PIK3R1: variants seen among roughly 807,000 people sequenced by gnomAD.
PIK3R1 encodes phosphoinositide-3-kinase regulatory subunit 1, also known as phosphatidylinositol 3-kinase regulatory subunit alpha.
Under a neutral mutation model 98.0 loss-of-function variants are expected in PIK3R1, and 29 were observed. That is an observed-to-expected ratio of 0.30 (90% confidence interval 0.22 to 0.40). The LOEUF (loss-of-function observed/expected upper bound fraction) is 0.40. Among genes scored for constraint, PIK3R1 ranks in the 10% least tolerant of loss-of-function variants. The pLI is 1.00. For missense variants in PIK3R1, 596 were observed against 872.7 expected (o/e 0.68, Z 3.99); for synonymous variants, 282 against 311.8 (o/e 0.90, Z 1.01).
At chr5:68,285,820 G>C (rs1179892583) in intron 7 of PIK3R1, among the ~76,000 whole-genome samples, 1 of 152,152 alleles carries the variant, frequency 6.6e-6, no homozygotes, top group Non-Finnish European at 1.5e-5. Context: ...GTTTTCCTTA[G>C]CATAATGTCA....
At chr5:68,277,463 A>G (rs1746625713) in intron 4 of PIK3R1, among the ~76,000 whole-genome samples, 2 of 152,142 alleles carry the variant, frequency 1.3e-5, no homozygotes, top group African/African-American at 4.8e-5. Context: ...CTTTTCCTCA[A>G]GTTGACCTAT....
intron 2 of PIK3R1, among the ~76,000 whole-genome samples, chr5:68,252,295 C>G (rs1222075725): frequency 1.3e-5 from 2 of 151,556 alleles, no homozygotes; most frequent in East Asian, 3.9e-4. Flanking sequence ...ACTCCGCTGC[C>G]TTAGGAGATG....
Position 68,279,620 on chromosome 5 carries a change from T to C in PIK3R1, c.521T>C (p.Leu174Ser). Residue 174 changes from leucine to serine, a missense_variant, in exon 5 of 16, where the codon TTG (leucine) becomes TCG (serine). This residue lies in a region of PIK3R1 where 352 missense variants were observed against 393.3 expected (regional missense o/e 0.90). Coordinates refer to ENST00000521381, the MANE Select transcript of PIK3R1 (RefSeq NM_181523.3). ...LLDCDTPSVD[L>S]EMIDVHVLAD... The stretch of plus-strand genomic sequence containing the variant: ...TTCCTAGATACACCCTCCGTGGACT[T>C]GGAAATGATCGATGTGCACGTTTTG... The C allele has an allele frequency of 2.5e-6, 4 of 1,613,924 alleles. No homozygotes were observed. The highest frequency in any genetic ancestry group is 2.5e-6 in the Non-Finnish European group (3 of 1,179,826).
intron 4 of PIK3R1, among the ~76,000 whole-genome samples, chr5:68,278,549 AGG>A (rs1414207202): frequency 6.6e-6 from 1 of 152,212 alleles, no homozygotes; most frequent in Non-Finnish European, 1.5e-5. Context: ...CTTTTCAGTC[AGG>A]GCAGAACCAC....
intron 1 of PIK3R1, chr5:68,217,645 T>C (rs1291804045): frequency 3.0e-5 from 4 of 135,428 alleles, no homozygotes; most frequent in African/African-American, 6.0e-5. Flanking sequence ...TGTGTGTGTG[T>C]GTGTGTGTGC....
In PIK3R1 at chr5:68,298,557, G is replaced by T. The variant is rs1286591927; in HGVS notation, c.*956G>T. On this transcript the variant is annotated 3_prime_UTR_variant, in exon 16 of 16. Coordinates refer to ENST00000521381, the MANE Select transcript of PIK3R1 (RefSeq NM_181523.3). Reference sequence around the variant, plus strand: ...TTGTTATCCTTTTTTAAAAGTAAATGTACAGGATGCCAGTAAAAAAAAAAA... The same window carrying T: ...TTGTTATCCTTTTTTAAAAGTAAATTTACAGGATGCCAGTAAAAAAAAAAA... The T allele has an allele frequency of 4.4e-6, 1 of 226,972 alleles. No homozygotes were observed. Among genetic ancestry groups the T allele is most frequent in the Non-Finnish European group, 8.5e-6 (1 of 117,006 alleles). The allele number at this position is 226,972 out of a possible 1,614,324, so 14.1% of individuals were successfully genotyped here.
At chr5:68,273,071 C>G (rs1580233921) in intron 2 of PIK3R1, among the ~76,000 whole-genome samples, 1 of 152,126 alleles carries the variant, frequency 6.6e-6, no homozygotes, top group Non-Finnish European at 1.5e-5. Flanking sequence ...CACATCCAAA[C>G]TCCCATCCAT....
intron 5 of PIK3R1, 118 bp from the exon 6 acceptor site, chr5:68,280,410 C>T: frequency 1.4e-6 from 1 of 723,536 alleles, no homozygotes; most frequent in South Asian, 1.7e-5. Context: ...CTCCCAACAA[C>T]TTTTTAAATG....
intron 2 of PIK3R1, among the ~76,000 whole-genome samples, chr5:68,237,255 A>G (rs866783507): frequency 6.6e-6 from 1 of 152,238 alleles, no homozygotes; most frequent in African/African-American, 2.4e-5. Flanking sequence ...GTTGATTCAG[A>G]TGAATCTGAA....
At chr5:68,267,378 C>T (rs1026472218) in intron 2 of PIK3R1, among the ~76,000 whole-genome samples, 1 of 152,098 alleles carries the variant, frequency 6.6e-6, no homozygotes, top group Non-Finnish European at 1.5e-5. Context: ...AGAAATAAAA[C>T]GAATGGACAG....
chr5:68,300,317 A>G lies in PIK3R1; in HGVS notation c.*2716A>G, dbSNP rs537444199. On this transcript the variant is annotated 3_prime_UTR_variant, in exon 16 of 16. Transcript: ENST00000521381. The stretch of plus-strand genomic sequence containing the variant: ...GCTTGCCCACCGCATTTGTCGTTTT[A>G]GATACTTTGCTAGCCGGCCACTTTG... 4.3e-6 allele frequency: 1 copy of G among 233,086 alleles called. No homozygotes were observed. Among genetic ancestry groups the G allele is most frequent in the East Asian group, 6.0e-5 (1 of 16,534 alleles). 14.4% of individuals were successfully genotyped at this position (233,086 alleles called of 1,614,324 possible). A position where few individuals can be genotyped will look rare whatever the true frequency, so the allele number is the denominator to read the frequency against.
chr5:68,223,145 A>G (rs1047173843), intron 1 of PIK3R1, among the ~76,000 whole-genome samples: 5 of 146,368 alleles, frequency 3.4e-5, no homozygotes, highest in African/African-American at 1.4e-4. Flanking sequence ...CATCATCATC[A>G]TCATCATCAT....
chr5:68,278,738 G>A (rs184215313), intron 4 of PIK3R1, among the ~76,000 whole-genome samples: 1,959 of 152,130 alleles, frequency 0.013, 45 homozygotes, highest in African/African-American at 0.044. Context: ...TCAGGAGTTT[G>A]AGACCAGCCT....
intron 1 of PIK3R1, among the ~76,000 whole-genome samples, chr5:68,216,313 G>T (rs965219447): frequency 1.3e-5 from 2 of 152,210 alleles, no homozygotes; most frequent in African/African-American, 4.8e-5. Context: ...CCCCGCTGTC[G>T]CCTTGCTGCA....
intron 2 of PIK3R1, among the ~76,000 whole-genome samples, chr5:68,272,996 G>T (rs1746424117): frequency 6.6e-6 from 1 of 152,178 alleles, no homozygotes; most frequent in Non-Finnish European, 1.5e-5. Context: ...GCTCCTGAGA[G>T]TTCTGCCCTA....
In PIK3R1 at chr5:68,273,656, A is replaced by G. The variant is rs140822964; in HGVS notation, c.427+174A>G. 2.9e-3 allele frequency: 1,763 copies of G among 617,328 alleles called. 30 individuals are homozygous for G. Among genetic ancestry groups the G allele is most frequent in the African/African-American group, 0.028 (1,546 of 54,360 alleles). 38.2% of individuals were successfully genotyped at this position (617,328 alleles called of 1,614,324 possible). On this transcript the variant is annotated intron_variant, in intron 3 of 15. Coordinates refer to ENST00000521381, the MANE Select transcript of PIK3R1 (RefSeq NM_181523.3). ...AGTACTGGGAAAAATGTCTCAGTCTATAATTTCTAACTCTAGATTATCATG... is the reference window on the plus strand; with the variant it reads ...AGTACTGGGAAAAATGTCTCAGTCTGTAATTTCTAACTCTAGATTATCATG...
intron 11 of PIK3R1, among the ~76,000 whole-genome samples, chr5:68,294,202 G>C (rs867789930): frequency 5.3e-5 from 8 of 152,164 alleles, no homozygotes; most frequent in Middle Eastern, 3.2e-3. Context: ...TGAAAAGGAA[G>C]GGCTATATAC....
intron 1 of PIK3R1, among the ~76,000 whole-genome samples, chr5:68,223,154 ATCATCATCATC>A (rs1190260877): frequency 4.0e-5 from 6 of 149,034 alleles, no homozygotes; most frequent in African/African-American, 1.6e-4. Context: ...CATCATCATC[ATCATCATCATC>A]ATCACCCAAT....
In PIK3R1 at chr5:68,288,512, A is replaced by ACGAGC. The variant is rs138814985; in HGVS notation, c.917-3735_917-3731dup. The stretch of plus-strand genomic sequence containing the variant: ...GCCGGGCGGGGCGTGGGGCGGAGGG[A>ACGAGC]CGAGCCGAGCCGAGCCAAGCGGAGC... On this transcript the variant is annotated intron_variant, in intron 7 of 15. Coordinates refer to ENST00000521381, the MANE Select transcript of PIK3R1 (RefSeq NM_181523.3). 280,582 of 1,323,670 alleles carry ACGAGC rather than the reference A, an allele frequency of 0.21. 31,559 individuals are homozygous for ACGAGC. Among genetic ancestry groups the ACGAGC allele is most frequent in the African/African-American group, 0.41 (26,483 of 63,930 alleles). 82.0% of individuals were successfully genotyped at this position (1,323,670 alleles called of 1,614,324 possible).
Sources: gnomAD v4.1 joint callset for allele counts (sites outside exome capture counted in the v4.1 genomes callset) on GRCh38, gnomAD v4.1.1 for gene constraint, gnomAD v4.1.1 regional missense constraint, MANE v1.5 for transcripts, NCBI Gene and HGNC (gene_info 2026-07-23, HGNC 2026-07-21) for gene names.